The following MKLN1 variants were observed in gnomAD, a reference collection of about 807,000 sequenced individuals.
MKLN1 encodes the protein muskelin 1, also known as muskelin.
Under a neutral mutation model 99.0 loss-of-function variants are expected in MKLN1, and 18 were observed. The observed-to-expected ratio is 0.18, with a 90% CI of 0.13 to 0.27. MKLN1 has a LOEUF of 0.27. Among genes scored for constraint, MKLN1 ranks in the 10% least tolerant of loss-of-function variants. The probability of loss-of-function intolerance (pLI) is 1.00; values close to 1 mark genes in which losing one functional copy is unlikely to be tolerated. For synonymous variants in MKLN1, 288 were observed against 293.2 expected, an observed-to-expected ratio of 0.98 and a Z score of 0.18; for missense variants, 621 against 875.9, an observed-to-expected ratio of 0.71 and a Z score of 3.67.
At chr7:131,166,530 G>A (rs1796127560) in intron 2 of MKLN1, among the ~76,000 whole-genome samples, 1 of 152,116 alleles carries the variant, frequency 6.6e-6, no homozygotes, top group Admixed American at 6.6e-5. Flanking sequence ...GCTTCTCGCT[G>A]GGCACTGCCA....
intron 17 of MKLN1, among the ~76,000 whole-genome samples, chr7:131,484,468 A>C (rs1797218496): frequency 6.6e-6 from 1 of 152,170 alleles, no homozygotes; most frequent in African/African-American, 2.4e-5. Flanking sequence ...AAGTCATCTC[A>C]TCTGAAACTG....
At chr7:131,420,436 G>C (rs1403784203) in intron 8 of MKLN1, among the ~76,000 whole-genome samples, 1 of 152,166 alleles carries the variant, frequency 6.6e-6, no homozygotes, top group Non-Finnish European at 1.5e-5. Flanking sequence ...TGAGCAATTA[G>C]AAAAATGGTG....
chr7:131,223,834 T>G (rs760355072), intron 3 of MKLN1, among the ~76,000 whole-genome samples: 7 of 152,088 alleles, frequency 4.6e-5, no homozygotes, highest in Admixed American at 6.6e-5. Context: ...TGGTGCGATC[T>G]CGGCTTACTC....
intron 1 of MKLN1, among the ~76,000 whole-genome samples, chr7:131,123,866 ATAAG>A (rs1795414678): frequency 6.6e-6 from 1 of 152,150 alleles, no homozygotes; most frequent in Non-Finnish European, 1.5e-5. Flanking sequence ...TAGATAATTC[ATAAG>A]TAGGTAGGTA....
chr7:131,343,979 T>C (rs1799482929), intron 1 of MKLN1, among the ~76,000 whole-genome samples: 1 of 152,118 alleles, frequency 6.6e-6, no homozygotes, highest in African/African-American at 2.4e-5. Flanking sequence ...TTTTTAATGA[T>C]ATAGAGAAAA....
chr7:131,343,419 C>G (rs1799466610), intron 1 of MKLN1, among the ~76,000 whole-genome samples: 1 of 152,064 alleles, frequency 6.6e-6, no homozygotes, highest in South Asian at 2.1e-4. Flanking sequence ...CTTTTTAATG[C>G]TTTTAGTAAG....
intron 17 of MKLN1, among the ~76,000 whole-genome samples, chr7:131,480,678 T>C (rs1797098080): frequency 6.6e-6 from 1 of 152,216 alleles, no homozygotes; most frequent in South Asian, 2.1e-4. Flanking sequence ...CCCCAGTCTG[T>C]GAGCTGGAGA....
intron 3 of MKLN1, among the ~76,000 whole-genome samples, chr7:131,271,907 CT>C (rs1243548447): frequency 4.2e-5 from 4 of 95,470 alleles, no homozygotes; most frequent in Non-Finnish European, 9.9e-5. Context: ...GAAACTCTGT[CT>C]CAAAAAAAAA....
intron 3 of MKLN1, among the ~76,000 whole-genome samples, chr7:131,238,146 CA>C (rs1272284575): frequency 4.0e-5 from 6 of 151,140 alleles, no homozygotes; most frequent in Non-Finnish European, 8.8e-5. Context: ...GACCCTGTCT[CA>C]AAAAAAACAA....
intron 1 of MKLN1, among the ~76,000 whole-genome samples, chr7:131,336,993 C>T (rs1799268207): frequency 6.6e-6 from 1 of 152,048 alleles, no homozygotes; most frequent in Non-Finnish European, 1.5e-5. Context: ...CTGTACAGTT[C>T]TACATTATTA....
intron 3 of MKLN1, among the ~76,000 whole-genome samples, chr7:131,228,545 C>T (rs1329160580): frequency 6.6e-6 from 1 of 152,102 alleles, no homozygotes; most frequent in Non-Finnish European, 1.5e-5. Flanking sequence ...GGGGTTTTTC[C>T]CTAATTCTTA....
intron 14 of MKLN1, 38 bp from the exon 15 acceptor site, chr7:131,466,238 T>C (rs763498013): frequency 9.9e-6 from 15 of 1,510,066 alleles, no homozygotes; most frequent in Middle Eastern, 1.8e-4. Flanking sequence ...TGGGTATGCA[T>C]GCATTTTTAA....
At chr7:131,162,259 G>A (rs1796066472) in intron 2 of MKLN1, among the ~76,000 whole-genome samples, 1 of 151,860 alleles carries the variant, frequency 6.6e-6, no homozygotes, top group South Asian at 2.1e-4. Context: ...CATCATGTTG[G>A]CCAGGCTGGT....
rs188617162 is a variant in MKLN1, at chr7:131,176,950, A to T, written c.-296-25907A>T. Among the ~76,000 whole-genome samples the T allele has an allele frequency of 2.6e-5, 4 of 152,322 alleles. No homozygotes were observed. In the East Asian group the frequency reaches 5.8e-4, roughly 22 times the overall value. ...TATAGGTAAATGGGCCTCAGGCTGG[A>T]AAATGCTAGGCTGGGAGGGATGGTA... is the stretch of plus-strand genomic sequence containing the variant. On this transcript the variant is annotated intron_variant, in intron 2 of 7. Coordinates refer to the MKLN1 transcript ENST00000416992.
chr7:131,139,419 C>A (rs1183159377), intron 1 of MKLN1, among the ~76,000 whole-genome samples: 1 of 151,990 alleles, frequency 6.6e-6, no homozygotes, highest in Non-Finnish European at 1.5e-5. Flanking sequence ...CCAGGGCCAA[C>A]CTTCAGCATT....
At chr7:131,268,973 C>T in intron 3 of MKLN1, among the ~76,000 whole-genome samples, 1 of 152,206 alleles carries the variant, frequency 6.6e-6, no homozygotes, top group East Asian at 1.9e-4. Flanking sequence ...TTAACTTGTT[C>T]ACACATAGGA....
intron 12 of MKLN1, among the ~76,000 whole-genome samples, chr7:131,448,245 G>A (rs1207254225): frequency 6.6e-6 from 1 of 151,968 alleles, no homozygotes; most frequent in East Asian, 1.9e-4. Flanking sequence ...AAAAAAAAGT[G>A]GCAATGCGTG....
chr7:131,253,335 C>T (rs938395339), intron 3 of MKLN1, among the ~76,000 whole-genome samples: 3 of 152,088 alleles, frequency 2.0e-5, no homozygotes, highest in African/African-American at 4.8e-5. Context: ...TACATTATCT[C>T]CCTGGGGAGG....
intron 3 of MKLN1, among the ~76,000 whole-genome samples, chr7:131,259,277 G>C (rs149334754): frequency 6.6e-6 from 1 of 152,218 alleles, no homozygotes; most frequent in African/African-American, 2.4e-5. Flanking sequence ...AGGGTGGATT[G>C]TATAGAGGGA....
Sources: gnomAD v4.1 joint callset for allele counts (sites outside exome capture counted in the v4.1 genomes callset) on GRCh38, gnomAD v4.1.1 for gene constraint, MANE v1.5 for transcripts, NCBI Gene and HGNC (gene_info 2026-07-23, HGNC 2026-07-21) for gene names.